PDE10A: variants seen among roughly 807,000 people sequenced by gnomAD.
PDE10A encodes the protein phosphodiesterase 10A, also known as cAMP and cAMP-inhibited cGMP 3',5'-cyclic phosphodiesterase 10A.
In PDE10A, 39 loss-of-function variants were observed where a neutral mutation model predicts 97.7. The observed-to-expected ratio is 0.40, with a 90% CI of 0.31 to 0.52. The LOEUF (loss-of-function observed/expected upper bound fraction) is 0.52. Among genes scored for constraint, PDE10A ranks in the 20% least tolerant of loss-of-function variants. The probability of loss-of-function intolerance (pLI) is 0.56; values close to 1 mark genes in which losing one functional copy is unlikely to be tolerated. For missense variants in PDE10A, 731 were observed against 1,047.8 expected (o/e 0.70, Z 4.17); for synonymous variants, 371 against 376.8 (o/e 0.98, Z 0.18).
chr6:165,829,174 A>ATGC (rs1202789688), intron 1 of PDE10A, among the ~76,000 whole-genome samples: 1 of 152,128 alleles, frequency 6.6e-6, no homozygotes, highest in East Asian at 1.9e-4. Context: ...GGCCCTAAGG[A>ATGC]TGCTCTCCAG....
rs188597555 is a variant in PDE10A, at chr6:165,465,954, C to T, written c.1024-15592G>A. On this transcript the variant is annotated intron_variant, in intron 3 of 21. Transcript: ENST00000539869. ...ATGACAGAAACTGCAGGAGGAAGTA[C>T]TAAAAGAGAGGGTAGCAGAGGAACA... Among the ~76,000 whole-genome samples, 1,204 of 144,044 alleles carry T rather than the reference C, an allele frequency of 8.4e-3. 7 individuals carry two copies. Among genetic ancestry groups the T allele is most frequent in the Middle Eastern group, 0.026 (7 of 270 alleles). The allele number at this position is 144,044 out of a possible 152,430, so 94.5% of individuals were successfully genotyped here. A position where few individuals can be genotyped will look rare whatever the true frequency, so the allele number is the denominator to read the frequency against.
intron 13 of PDE10A, among the ~76,000 whole-genome samples, chr6:165,401,812 T>C (rs1289212896): frequency 6.6e-6 from 1 of 152,148 alleles, no homozygotes; most frequent in Non-Finnish European, 1.5e-5. Context: ...TAACAATCAA[T>C]AAAAAATTAT....
intron 1 of PDE10A, among the ~76,000 whole-genome samples, chr6:165,643,796 A>C (rs778998780): frequency 1.3e-5 from 2 of 152,226 alleles, no homozygotes; most frequent in Non-Finnish European, 2.9e-5. Context: ...TACCATGGTT[A>C]ATAATGACAT....
At chr6:165,691,092 T>C (rs1791262072) in intron 1 of PDE10A, among the ~76,000 whole-genome samples, 5 of 38,974 alleles carry the variant, frequency 1.3e-4, no homozygotes, top group African/African-American at 3.5e-4. Flanking sequence ...TCTCTCTCTC[T>C]CTCTCTTTCT....
chr6:165,732,606 G>A, intron 1 of PDE10A, among the ~76,000 whole-genome samples: 1 of 152,192 alleles, frequency 6.6e-6, no homozygotes, highest in East Asian at 1.9e-4. Context: ...CTCTAACCAT[G>A]TCATTAACAT....
rs774540136 is a variant in PDE10A, at chr6:165,395,219, A to C, written c.2265T>G (p.Ile755Met). ...IGPFENMWPG[I>M]FVYMVHRSCG... ...AGGACCGATGAACCATGTAGACAAA[A>C]ATTCCAGGCCACATGTTTTCAAAAG... Residue 755 changes from isoleucine to methionine, a missense_variant, in exon 15 of 22, where the codon ATT becomes ATG. Physicochemically the swap from Ile to Met is conservative, Grantham distance 10. Transcript: ENST00000539869. The C allele has an allele frequency of 1.4e-5, 23 of 1,613,404 alleles. No individual in the cohort carries two copies. Among genetic ancestry groups the C allele is most frequent in the Admixed American group, 3.3e-5 (2 of 59,924 alleles).
intron 1 of PDE10A, among the ~76,000 whole-genome samples, chr6:165,747,303 C>T (rs543349790): frequency 5.1e-4 from 78 of 152,072 alleles, no homozygotes; most frequent in African/African-American, 1.8e-3. Context: ...CATAGGCTTC[C>T]AAGTGAAGAT....
intron 1 of PDE10A, among the ~76,000 whole-genome samples, chr6:165,984,640 G>A (rs954254499): frequency 6.6e-6 from 1 of 152,164 alleles, no homozygotes. Flanking sequence ...TTCCCCCAAA[G>A]ATGGAGAAAT....
In PDE10A at chr6:165,448,869, T is replaced by C. The variant is rs369810071; in HGVS notation, c.1194+59A>G. ...AAATGTCGGTTGTTTATAACTTTTT[T>C]AAAGGAGCTTATGATATTTTCTTAT... On this transcript the variant is annotated intron_variant, in intron 5 of 21. Transcript: ENST00000539869. 12 of 1,031,332 alleles carry C rather than the reference T, an allele frequency of 1.2e-5. No individual in the cohort carries two copies. In the African/African-American group the frequency reaches 1.6e-4, roughly 14 times the overall value. The allele number at this position is 1,031,332 out of a possible 1,614,324, so 63.9% of individuals were successfully genotyped here.
intron 1 of PDE10A, among the ~76,000 whole-genome samples, chr6:165,782,283 G>T (rs1296376277): frequency 4.6e-5 from 7 of 152,238 alleles, no homozygotes; most frequent in Admixed American, 4.6e-4. Flanking sequence ...TTGCTTCAGA[G>T]AAATAGAATT....
chr6:165,483,914 G>A (rs961204199), intron 2 of PDE10A, among the ~76,000 whole-genome samples: 3 of 152,216 alleles, frequency 2.0e-5, no homozygotes, highest in African/African-American at 7.2e-5. Flanking sequence ...AAGATAGCCT[G>A]TGACATGTGT....
intron 19 of PDE10A, among the ~76,000 whole-genome samples, chr6:165,340,914 AATT>A (rs1781935801): frequency 6.6e-6 from 1 of 152,212 alleles, no homozygotes. Flanking sequence ...ATGGAATCCG[AATT>A]ATTATCATCC....
intron 1 of PDE10A, among the ~76,000 whole-genome samples, chr6:165,570,012 G>T (rs533397711): frequency 1.3e-5 from 2 of 152,214 alleles, no homozygotes; most frequent in South Asian, 4.2e-4. Flanking sequence ...TCTCTGTTAT[G>T]GACTAAATTG....
intron 3 of PDE10A, among the ~76,000 whole-genome samples, chr6:165,455,654 G>A (rs895223049): frequency 1.3e-5 from 2 of 152,216 alleles, no homozygotes; most frequent in Admixed American, 6.5e-5. Context: ...GGCTGTAGAA[G>A]AGGTTCTCTT....
intron 2 of PDE10A, among the ~76,000 whole-genome samples, chr6:165,484,448 A>G (rs1294996335): frequency 9.2e-5 from 14 of 152,194 alleles, no homozygotes; most frequent in Non-Finnish European, 8.8e-5. Context: ...GTGGCATTAG[A>G]TTCTCATAGA....
intron 1 of PDE10A, among the ~76,000 whole-genome samples, chr6:165,958,267 G>A (rs1784201101): frequency 1.3e-5 from 2 of 152,064 alleles, no homozygotes; most frequent in African/African-American, 2.4e-5. Flanking sequence ...GTTTGAACAC[G>A]CAGGTGCCCA....
intron 1 of PDE10A, among the ~76,000 whole-genome samples, chr6:165,637,837 C>T (rs1461852112): frequency 2.6e-5 from 4 of 152,168 alleles, no homozygotes; most frequent in Non-Finnish European, 2.9e-5. Context: ...AAGGGCAGAA[C>T]GCCAAAGCAG....
intron 1 of PDE10A, among the ~76,000 whole-genome samples, chr6:165,759,634 T>C (rs924036060): frequency 2.0e-5 from 3 of 152,222 alleles, no homozygotes; most frequent in South Asian, 2.1e-4. Flanking sequence ...AATAACCTCA[T>C]TGGTAGATTT....
intron 1 of PDE10A, among the ~76,000 whole-genome samples, chr6:165,903,725 T>C (rs1220012763): frequency 6.6e-6 from 1 of 151,370 alleles, no homozygotes. Flanking sequence ...TGAGATCACC[T>C]GGGGAGAAAG....
Sources: gnomAD v4.1 joint callset for allele counts (sites outside exome capture counted in the v4.1 genomes callset) on GRCh38, gnomAD v4.1.1 for gene constraint, MANE v1.5 for transcripts, NCBI Gene and HGNC (gene_info 2026-07-23, HGNC 2026-07-21) for gene names.